UNC5B: variants seen among roughly 807,000 people sequenced by gnomAD.
UNC5B encodes the protein unc-5 netrin receptor B, also known as netrin receptor UNC5B.
A neutral mutation model predicts 103.7 loss-of-function variants in UNC5B; 56 were observed. The ratio of observed to expected loss-of-function variants is 0.54; its 90% CI spans 0.44 to 0.67. UNC5B has a LOEUF of 0.67. Among genes scored for constraint, UNC5B ranks in the 30% least tolerant of loss-of-function variants. The pLI, the probability that UNC5B is intolerant of heterozygous loss-of-function variation, is 0.00. For synonymous variants in UNC5B, 577 were observed against 542.0 expected (o/e 1.06, Z -0.90); for missense variants, 1,194 against 1,284.5 (o/e 0.93, Z 1.08).
At chr10:71,240,986 GT>G (rs1476952323) in intron 1 of UNC5B, among the ~76,000 whole-genome samples, 1 of 152,242 alleles carries the variant, frequency 6.6e-6, no homozygotes, top group Non-Finnish European at 1.5e-5. Flanking sequence ...TTTTGTTGTT[GT>G]TGTTGTTTTT....
chr10:71,252,435 T>G (rs1487998240), intron 1 of UNC5B, among the ~76,000 whole-genome samples: 1 of 152,222 alleles, frequency 6.6e-6, no homozygotes, highest in Non-Finnish European at 1.5e-5. Context: ...GTGAGAGCGC[T>G]TTCAAATCTC....
At position 71,292,561 on chromosome 10, in the gene UNC5B, A is replaced by G. The variant is rs944828177; in HGVS notation, c.1772+7A>G. ...ACAAGGCAGAAAGTACCCTGTGAGT[A>G]GAGCCCCAGCCGCTGCTCCTTTTTC... On this transcript the variant is annotated splice_region_variant and intron_variant, in intron 11 of 16. Coordinates refer to ENST00000335350, the MANE Select transcript of UNC5B (RefSeq NM_170744.5). The G allele has an allele frequency of 3.8e-6, 6 of 1,594,536 alleles. No homozygotes were observed. The highest frequency in any genetic ancestry group is 1.7e-4 in the Middle Eastern group (1 of 6,036).
chr10:71,257,295 G>A (rs560020120), intron 1 of UNC5B, among the ~76,000 whole-genome samples: 6 of 152,336 alleles, frequency 3.9e-5, no homozygotes, highest in East Asian at 3.9e-4. Context: ...AAATGGGACC[G>A]TTATGCCTAC....
rs1213068096 is a variant in UNC5B, at chr10:71,284,846, C to G, written c.431C>G (p.Ala144Gly). The G allele has an allele frequency of 6.2e-7, 1 of 1,609,202 alleles. No individual in the cohort carries two copies. The highest frequency in any genetic ancestry group is 8.5e-7 in the Non-Finnish European group (1 of 1,177,654). Reference sequence around the variant, plus strand: ...GCGGGCACCACCAAGAGTCGCCGAGCCTACGTCCGCATCGCCTGTACGCCA... The same window carrying G: ...GCGGGCACCACCAAGAGTCGCCGAGGCTACGTCCGCATCGCCTGTACGCCA... ...SSAGTTKSRR[A>G]YVRIAYLRKN... is the part of the protein sequence containing the mutation. The change falls in exon 3 of 17, where the codon GCC (alanine) becomes GGC (glycine). Residue 144 changes from alanine (A) to glycine (G), a missense_variant. Ala to Gly is a moderately conservative substitution (Grantham distance 60, BLOSUM62 0). Transcript: ENST00000335350.
Position 71,293,726 on chromosome 10 carries a change from C to G in UNC5B, c.1968C>G (p.Thr656=), listed in dbSNP as rs759462685. The G allele has an allele frequency of 1.9e-6, 3 of 1,590,066 alleles. No homozygotes were observed. The highest frequency in any genetic ancestry group is 2.6e-6 in the Non-Finnish European group (3 of 1,167,920). The change falls in exon 13 of 17, where the codon ACC becomes ACG. Residue 656 remains threonine (T), a synonymous_variant. Transcript: ENST00000335350. ...AGGTGGTGACCCTGGATGAGGAGAC[C>G]CTGAACACACCCTGCTACTGCCAGC... ...WEEVVTLDEE[T]LNTPCYCQLE...
Position 71,288,535 on chromosome 10 carries a change from G to A in UNC5B, c.902-33G>A, listed in dbSNP as rs115548057. On this transcript the variant is annotated intron_variant, in intron 6 of 16. Coordinates refer to ENST00000335350, the MANE Select transcript of UNC5B (RefSeq NM_170744.5). ...TAACTATGTGTGCACATGTCTCTGCGTGCACATGCTCCTGTATGCCATGCT... is the reference window on the plus strand; with the variant it reads ...TAACTATGTGTGCACATGTCTCTGCATGCACATGCTCCTGTATGCCATGCT... The A allele has an allele frequency of 8.0e-4, 1,287 of 1,599,406 alleles. 4 individuals are homozygous for A. The African/African-American group carries it at 9.7e-3, about 12-fold the overall frequency.
In UNC5B at chr10:71,296,755, G is replaced by A. The variant is rs768007414; in HGVS notation, c.2490+13G>A. 5.7e-5 allele frequency: 91 copies of A among 1,594,142 alleles called. No individual in the cohort carries two copies. The East Asian group carries it at 6.2e-4, about 11-fold the overall frequency. ...CACTCTGGCAGAGGTGAGGGAAGTC[G>A]GGGCCACATATTCCAGCTGCACACC... On this transcript the variant is annotated intron_variant, in intron 15 of 16. Transcript: ENST00000335350.
chr10:71,276,508 A>T (rs1170945387), intron 1 of UNC5B, among the ~76,000 whole-genome samples: 1 of 152,128 alleles, frequency 6.6e-6, no homozygotes, highest in East Asian at 1.9e-4. Flanking sequence ...ATCTCCACTC[A>T]CTGCAACCTC....
At chr10:71,279,398 C>A (rs1844855066) in intron 1 of UNC5B, among the ~76,000 whole-genome samples, 1 of 152,200 alleles carries the variant, frequency 6.6e-6, no homozygotes, top group Admixed American at 6.5e-5. Flanking sequence ...GAGCTCCAGC[C>A]CCGTTTCCAG....
rs553896732 is a variant in UNC5B, at chr10:71,275,859, G to C, written c.80-3962G>C. Among the ~76,000 whole-genome samples the C allele has an allele frequency of 5.6e-4, 85 of 151,902 alleles. 1 individual carries two copies. The highest frequency in any genetic ancestry group is 2.0e-3 in the African/African-American group (84 of 41,434). On this transcript the variant is annotated intron_variant, in intron 1 of 16. Transcript: ENST00000335350. The stretch of plus-strand genomic sequence containing the variant: ...CCAACAAGTAGCTCCAGGTAGCTCA[G>C]TTTCAGCATCATATCACTCTGTTTT...
intron 1 of UNC5B, among the ~76,000 whole-genome samples, chr10:71,268,410 C>T (rs1844568571): frequency 6.6e-6 from 1 of 152,228 alleles, no homozygotes. Flanking sequence ...TGTTTGTTTG[C>T]CCTTGCACAA....
intron 1 of UNC5B, among the ~76,000 whole-genome samples, chr10:71,226,847 C>T (rs1448401058): frequency 6.6e-6 from 1 of 152,030 alleles, no homozygotes; most frequent in African/African-American, 2.4e-5. Context: ...AAATACTACA[C>T]TAAAAGAAAT....
At chr10:71,282,937 A>G (rs111604908) in intron 2 of UNC5B, among the ~76,000 whole-genome samples, 4 of 151,374 alleles carry the variant, frequency 2.6e-5, no homozygotes, top group African/African-American at 9.8e-5. Context: ...TAACACAGTG[A>G]AACTGTGTCT....
chr10:71,262,886 G>C (rs969690224), intron 1 of UNC5B, among the ~76,000 whole-genome samples: 6 of 152,216 alleles, frequency 3.9e-5, no homozygotes. Context: ...CCACACAGTC[G>C]ATGGGGGCAC....
intron 13 of UNC5B, 75 bp from the exon 14 acceptor site, chr10:71,295,736 C>T (rs1340008569): frequency 6.5e-7 from 1 of 1,549,242 alleles, no homozygotes; most frequent in Non-Finnish European, 8.7e-7. Context: ...CTGCCCCCTG[C>T]CCCGCACAGT....
intron 1 of UNC5B, among the ~76,000 whole-genome samples, chr10:71,235,860 T>A (rs1196543241): frequency 6.6e-6 from 1 of 152,214 alleles, no homozygotes; most frequent in Non-Finnish European, 1.5e-5. Context: ...GGGCCATCTA[T>A]AGACAGAGGG....
rs1397579023 is a variant in UNC5B, at chr10:71,213,327, G to T, written c.79+263G>T. Among the ~76,000 whole-genome samples, 1 of 152,180 alleles carries T rather than the reference G, an allele frequency of 6.6e-6. No individual in the cohort carries two copies. Among genetic ancestry groups the T allele is most frequent in the Non-Finnish European group, 1.5e-5 (1 of 68,034 alleles). ...AGGGATCCCTTCTTCTCCCTGGAAG[G>T]GGTGTAGGAGTCAGGGTCTGAGTCT... On this transcript the variant is annotated intron_variant, in intron 1 of 16. Transcript: ENST00000335350. This position sits in a 1 kb window ranked among gnomAD's most constrained non-coding sequence, Gnocchi z 4.1.
At chr10:71,243,139 G>A (rs1374845826) in intron 1 of UNC5B, among the ~76,000 whole-genome samples, 1 of 152,196 alleles carries the variant, frequency 6.6e-6, no homozygotes, top group Non-Finnish European at 1.5e-5. Context: ...GGAGGCTGAG[G>A]CAGGAGAATT....
chr10:71,260,164 C>T (rs1424123446), intron 1 of UNC5B, among the ~76,000 whole-genome samples: 1 of 152,248 alleles, frequency 6.6e-6, no homozygotes, highest in Non-Finnish European at 1.5e-5. Context: ...AAGGGGGTGG[C>T]TTCTCTGCTT....
Sources: gnomAD v4.1 joint callset for allele counts (sites outside exome capture counted in the v4.1 genomes callset) on GRCh38, gnomAD v4.1.1 for gene constraint, Gnocchi (gnomAD v3.1) non-coding constraint, MANE v1.5 for transcripts, NCBI Gene and HGNC (gene_info 2026-07-23, HGNC 2026-07-21) for gene names.